The following ADAM10 variants were observed in gnomAD, a reference collection of about 807,000 sequenced individuals.
The protein encoded by ADAM10 is disintegrin and metalloproteinase domain-containing protein 10.
In ADAM10, 17 loss-of-function variants were observed where a neutral mutation model predicts 90.1. That is an observed-to-expected ratio of 0.19 (90% CI 0.13 to 0.28). The LOEUF is 0.28. ADAM10 is among the 10% of genes least tolerant of loss of function. The pLI is 1.00. For synonymous variants in ADAM10, 310 were observed against 298.6 expected (o/e 1.04, Z -0.40); for missense variants, 610 against 914.3 (o/e 0.67, Z 4.29).
intron 1 of ADAM10, among the ~76,000 whole-genome samples, chr15:58,726,291 AT>A (rs1422412352): frequency 6.6e-6 from 1 of 152,192 alleles, no homozygotes; most frequent in Admixed American, 6.5e-5. Flanking sequence ...AATAGCAGAG[AT>A]AAAATTGAAT....
At chr15:58,669,991 T>G (rs140479597) in intron 4 of ADAM10, among the ~76,000 whole-genome samples, 1 of 152,022 alleles carries the variant, frequency 6.6e-6, no homozygotes, top group South Asian at 2.1e-4. Flanking sequence ...TGAAAGCTTT[T>G]GGGGGTGATG....
intron 1 of ADAM10, among the ~76,000 whole-genome samples, chr15:58,736,830 T>A (rs1461066547): frequency 1.3e-5 from 2 of 151,840 alleles, no homozygotes; most frequent in Non-Finnish European, 2.9e-5. Flanking sequence ...AGAAAACAGA[T>A]CCTTTATCAA....
chr15:58,700,321 G>A (rs1270698670), intron 2 of ADAM10, among the ~76,000 whole-genome samples: 3 of 152,030 alleles, frequency 2.0e-5, no homozygotes, highest in Admixed American at 6.6e-5. Flanking sequence ...ATACTCTCGA[G>A]GATAGACCAT....
At chr15:58,725,795 T>C (rs1899009233) in intron 1 of ADAM10, among the ~76,000 whole-genome samples, 1 of 152,054 alleles carries the variant, frequency 6.6e-6, no homozygotes, top group Non-Finnish European at 1.5e-5. Context: ...AAGAACTCTA[T>C]CAACCTAAGA....
At chr15:58,692,372 G>A (rs774876824) in intron 2 of ADAM10, 12 of 596,526 alleles carry the variant, frequency 2.0e-5, no homozygotes, top group Admixed American at 5.6e-5. Context: ...AGTTCTTCCC[G>A]ATCAGTGTAT....
intron 5 of ADAM10, among the ~76,000 whole-genome samples, chr15:58,655,674 A>C (rs1389786138): frequency 9.1e-6 from 1 of 110,290 alleles, no homozygotes; most frequent in Non-Finnish European, 1.7e-5. Context: ...ACATACATAC[A>C]TACATATATA....
chr15:58,665,832 C>A (rs1408299030), intron 4 of ADAM10, among the ~76,000 whole-genome samples: 2 of 152,038 alleles, frequency 1.3e-5, no homozygotes, highest in Admixed American at 6.6e-5. Flanking sequence ...TCCTGACTTA[C>A]TGTCAGTCTC....
chr15:58,734,914 T>TC (rs1899378442), intron 1 of ADAM10, among the ~76,000 whole-genome samples: 1 of 152,192 alleles, frequency 6.6e-6, no homozygotes, highest in South Asian at 2.1e-4. Flanking sequence ...CATGGTTTAC[T>TC]CCACAGGAGC....
rs529046983 is a variant in ADAM10 at position 58,696,132 on chromosome 15, A to C, written c.207-13818T>G. ...ACTCCACCTCAAAAATTAAAATAAA[A>C]ATACAAAAATTAGCCGGGCGGTAGT... On this transcript the variant is annotated intron_variant, in intron 2 of 15. Coordinates refer to ENST00000260408, the MANE Select transcript of ADAM10 (RefSeq NM_001110.4). Among the ~76,000 whole-genome samples, 4 of 152,138 alleles carry C rather than the reference A, an allele frequency of 2.6e-5. No homozygotes were observed. In the East Asian group the frequency reaches 7.7e-4, roughly 29 times the overall value.
intron 1 of ADAM10, among the ~76,000 whole-genome samples, chr15:58,744,125 G>A (rs1899710027): frequency 6.6e-6 from 1 of 151,842 alleles, no homozygotes; most frequent in South Asian, 2.1e-4. Flanking sequence ...ATTCTTCCCT[G>A]TCTAACTGTA....
chr15:58,735,053 G>C (rs1164247122), intron 1 of ADAM10, among the ~76,000 whole-genome samples: 1 of 152,170 alleles, frequency 6.6e-6, no homozygotes, highest in African/African-American at 2.4e-5. Context: ...TCAGTCAAGA[G>C]CTCAGAAAGT....
At chr15:58,681,009 C>T (rs995060915) in intron 3 of ADAM10, among the ~76,000 whole-genome samples, 2 of 152,120 alleles carry the variant, frequency 1.3e-5, no homozygotes, top group South Asian at 2.1e-4. Context: ...CAAGGTCTCA[C>T]TATACTGCCC....
At chr15:58,620,565 G>C (rs1895750364) in intron 11 of ADAM10, among the ~76,000 whole-genome samples, 1 of 151,584 alleles carries the variant, frequency 6.6e-6, no homozygotes, top group Non-Finnish European at 1.5e-5. Flanking sequence ...AGTTAGAAAA[G>C]TAAATGGATT....
rs530405214 is a variant in ADAM10, at chr15:58,589,617, A to T, written c.*7930T>A. 3 of 152,358 alleles carry T rather than the reference A, an allele frequency of 2.0e-5. No homozygotes were observed. In the East Asian group the frequency reaches 5.8e-4, roughly 29 times the overall value. 9.4% of individuals were successfully genotyped at this position (152,358 alleles called of 1,614,324 possible). A position where few individuals can be genotyped will look rare whatever the true frequency, so the allele number is the denominator to read the frequency against. The stretch of plus-strand genomic sequence containing the variant: ...TGTGAAAAATTGCAGCAGGTTGATA[A>T]GTGAATGGGAGCTGAAGTAGCCACT... On this transcript the variant is annotated 3_prime_UTR_variant, in exon 16 of 16. Coordinates refer to ENST00000260408, the MANE Select transcript of ADAM10 (RefSeq NM_001110.4).
chr15:58,647,246 G>GTTTTTTTTTTTTTTTTTTTTTTTTTT (rs1323960397), intron 5 of ADAM10, among the ~76,000 whole-genome samples: 8 of 36,824 alleles, frequency 2.2e-4, no homozygotes, highest in African/African-American at 3.7e-4. Context: ...TAGACACTAA[G>GTTTTTTTTTTTTTTTTTTTTTTTTTT]TATTTTTTTT....
In ADAM10 at chr15:58,643,919, G is replaced by T. The variant is rs1489498190; in HGVS notation, c.795C>A (p.Ile265=). 1 of 1,613,430 alleles carries T rather than the reference G, an allele frequency of 6.2e-7. No homozygotes were observed. ...GTTTCACCATGAAACTGATGTTACG[G>T]ATTCCGGAGAAGTCTGTGGTCTGGT... ...TIYQTTDFSG[I]RNISFMVKRI... is the part of the protein sequence containing the mutation. Residue 265 remains isoleucine (I), a synonymous_variant, in exon 7 of 16, where the codon ATC becomes ATA. Transcript: ENST00000260408.
At chr15:58,604,900 G>T (rs919151268) in intron 14 of ADAM10, among the ~76,000 whole-genome samples, 1 of 152,008 alleles carries the variant, frequency 6.6e-6, no homozygotes, top group Non-Finnish European at 1.5e-5. Context: ...CACACCCTGC[G>T]AATTCATTTA....
At chr15:58,679,325 A>G (rs367620238) in intron 3 of ADAM10, 43 bp from the exon 4 acceptor site, 5 of 1,575,176 alleles carry the variant, frequency 3.2e-6, no homozygotes, top group South Asian at 1.1e-5. Flanking sequence ...TAATTTGCAC[A>G]TGAATGTTAA....
intron 12 of ADAM10, 39 bp downstream of exon 12, chr15:58,611,769 T>C (rs1895445119): frequency 1.3e-6 from 2 of 1,595,568 alleles, no homozygotes; most frequent in African/African-American, 1.3e-5. Flanking sequence ...AAACAAGTTT[T>C]CTAAAATTAA....
Sources: allele counts gnomAD v4.1 joint callset (sites outside exome capture counted in the v4.1 genomes callset), GRCh38; gene constraint gnomAD v4.1.1; transcripts MANE v1.5; gene names NCBI Gene and HGNC (gene_info 2026-07-23, HGNC 2026-07-21).